GLB1: variants seen among roughly 807,000 people sequenced by gnomAD.
The protein encoded by GLB1 is galactosidase beta 1, also known as beta-galactosidase.
In GLB1, 56 loss-of-function variants were observed where a neutral mutation model predicts 74.0. The ratio of observed to expected loss-of-function variants is 0.76; its 90% CI spans 0.61 to 0.94. The LOEUF is 0.94. Ranked by LOEUF, GLB1 falls within the 40% of genes least tolerant of loss-of-function variation. The pLI is 0.00. For synonymous variants in GLB1, 323 were observed against 323.6 expected (o/e 1.00, Z 0.02); for missense variants, 787 against 845.5 (o/e 0.93, Z 0.86).
At chr3:33,001,498 T>C (rs982013474) in intron 15 of GLB1, among the ~76,000 whole-genome samples, 7 of 152,174 alleles carry the variant, frequency 4.6e-5, no homozygotes, top group African/African-American at 1.4e-4. Context: ...CCCTCCTCCT[T>C]AATGCTGGGC....
At chr3:33,034,675 C>T in intron 10 of GLB1, 1 of 730,656 alleles carries the variant, frequency 1.4e-6, no homozygotes, top group Non-Finnish European at 2.6e-6. Context: ...ACATATTGGC[C>T]ATCTCTGGTG....
chr3:33,079,509 G>A (rs765844660), intron 1 of GLB1, among the ~76,000 whole-genome samples: 55 of 152,308 alleles, frequency 3.6e-4, no homozygotes, highest in Non-Finnish European at 5.7e-4. Flanking sequence ...TGGACTGATA[G>A]TAATATGTTA....
rs753965226 is a variant in GLB1 at position 33,068,881 on chromosome 3, T to G, written c.335A>C (p.His112Pro). The change falls in exon 3 of 16, where the codon CAT (histidine) becomes CCT (proline). Residue 112 changes from histidine (H) to proline (P), a missense_variant. By Grantham distance (77) the His-to-Pro change is moderately conservative. Coordinates refer to ENST00000307363, the MANE Select transcript of GLB1 (RefSeq NM_000404.4). ...HDVEYFLRLA[H>P]ELGLLVILRP... ...CAGGATAACCAGCAGTCCCAGCTCATGAGCCAGCCGAAGAAAATATTCCAC... is the reference window on the plus strand; with the variant it reads ...CAGGATAACCAGCAGTCCCAGCTCAGGAGCCAGCCGAAGAAAATATTCCAC... 2.0e-5 allele frequency: 33 copies of G among 1,614,038 alleles called. No homozygotes were observed. Among genetic ancestry groups the G allele is most frequent in the Non-Finnish European group, 2.4e-5 (28 of 1,180,044 alleles).
At chr3:32,972,711 A>T in the GLB1 span, among the ~76,000 whole-genome samples, 1 of 152,204 alleles carries the variant, frequency 6.6e-6, no homozygotes, top group African/African-American at 2.4e-5. Context: ...GGTGCTTTCT[A>T]TTAACACCTC....
the GLB1 span, among the ~76,000 whole-genome samples, chr3:32,971,590 T>C: frequency 6.6e-6 from 1 of 152,222 alleles, no homozygotes; most frequent in African/African-American, 2.4e-5. Flanking sequence ...ACCAAAAGCC[T>C]CAGCCAGCGT....
chr3:33,063,767 T>C (rs914211871), intron 5 of GLB1, among the ~76,000 whole-genome samples: 5 of 152,150 alleles, frequency 3.3e-5, no homozygotes, highest in Admixed American at 3.3e-4. Flanking sequence ...GATATCTTCA[T>C]GTAGGAAAAT....
chr3:32,964,127 A>T, the GLB1 span, among the ~76,000 whole-genome samples: 1 of 152,232 alleles, frequency 6.6e-6, no homozygotes, highest in African/African-American at 2.4e-5. Flanking sequence ...TCTTTTGATC[A>T]TGCTTGATAT....
At chr3:32,970,250 G>A in the GLB1 span, among the ~76,000 whole-genome samples, 15 of 152,162 alleles carry the variant, frequency 9.9e-5, no homozygotes, top group African/African-American at 2.6e-4. Context: ...ACACTCAAAC[G>A]GCTGCTGAAG....
chr3:33,055,875 T>A (rs1699194451), intron 6 of GLB1, among the ~76,000 whole-genome samples: 3 of 151,852 alleles, frequency 2.0e-5, no homozygotes, highest in South Asian at 2.1e-4. Context: ...CTCCATTCAC[T>A]TAAGGTCAGT....
chr3:33,023,843 A>G (rs1169026864), intron 11 of GLB1, among the ~76,000 whole-genome samples: 2 of 152,260 alleles, frequency 1.3e-5, no homozygotes, highest in Non-Finnish European at 1.5e-5. Flanking sequence ...AATTTAGGGC[A>G]GAGGTCTATC....
chr3:33,090,846 G>T (rs1257882466), intron 1 of GLB1: 2 of 985,216 alleles, frequency 2.0e-6, no homozygotes, highest in Non-Finnish European at 2.4e-6. Flanking sequence ...GTCAAGCAAG[G>T]ACTTCAGAGT....
At chr3:33,088,409 ACAAACT>A (rs1237857104) in intron 1 of GLB1, among the ~76,000 whole-genome samples, 9 of 135,346 alleles carry the variant, frequency 6.6e-5, no homozygotes, top group East Asian at 2.3e-4. Flanking sequence ...ACACACACAC[ACAAACT>A]GTTAGAACTA....
At chr3:32,971,504 T>C in the GLB1 span, among the ~76,000 whole-genome samples, 2 of 152,208 alleles carry the variant, frequency 1.3e-5, no homozygotes, top group Non-Finnish European at 2.9e-5. Context: ...GGAACTAATA[T>C]GGGGAACCAG....
chr3:33,074,381 G>GAAAGAAAGAAAGAAAGA (rs1559412918), intron 1 of GLB1, among the ~76,000 whole-genome samples: 128 of 9,504 alleles, frequency 0.013, 23 homozygotes, highest in Admixed American at 0.019. Context: ...AGGAAGGAAG[G>GAAAGAAAGAAAGAAAGA]AAGGAAGGAA....
intron 1 of GLB1, among the ~76,000 whole-genome samples, chr3:33,094,602 C>T (rs575324672): frequency 3.9e-5 from 6 of 152,278 alleles, no homozygotes; most frequent in South Asian, 2.1e-4. Flanking sequence ...TGGAGAGAGC[C>T]CTTCAGGGGT....
rs1553606984 is a variant in GLB1 at position 33,021,565 on chromosome 3, C to T, written c.1233+1G>A. 6.2e-7 allele frequency: 1 copy of T among 1,613,606 alleles called. No homozygotes were observed. The highest frequency in any genetic ancestry group is 8.5e-7 in the Non-Finnish European group (1 of 1,179,824). On this transcript the variant is annotated splice_donor_variant, in intron 12 of 15. Transcript: ENST00000307363. LOFTEE classifies it high-confidence loss of function. ...GCGAGGCATTACCTTTGAAGGCCTA[C>T]CTGTTTCACCTGGATAAATGTCAAG...
intron 4 of GLB1, 108 bp downstream of exon 4, chr3:33,068,122 G>T: frequency 6.6e-7 from 1 of 1,520,308 alleles, no homozygotes; most frequent in Non-Finnish European, 9.1e-7. Context: ...CCCAACCTCA[G>T]GTAATCCACC....
chr3:32,961,120 A>G, the GLB1 span, among the ~76,000 whole-genome samples: 2 of 152,248 alleles, frequency 1.3e-5, no homozygotes, highest in Non-Finnish European at 2.9e-5. Flanking sequence ...TAGGTCAAAA[A>G]TTACTTTATT....
intron 1 of GLB1, among the ~76,000 whole-genome samples, chr3:33,077,975 A>T (rs1488808504): frequency 1.3e-5 from 2 of 152,182 alleles, no homozygotes; most frequent in African/African-American, 2.4e-5. Flanking sequence ...AATGTAGGGC[A>T]ATTTGTCTTT....
Sources: gnomAD v4.1 joint callset for allele counts (sites outside exome capture counted in the v4.1 genomes callset) on GRCh38, gnomAD v4.1.1 for gene constraint, MANE v1.5 for transcripts, NCBI Gene and HGNC (gene_info 2026-07-23, HGNC 2026-07-21) for gene names.